The following ZBTB2 variants were observed in gnomAD, a reference collection of about 807,000 sequenced individuals.
ZBTB2 encodes zinc finger and BTB domain containing 2, also known as zinc finger and BTB domain-containing protein 2.
In ZBTB2, 2 loss-of-function variants were observed where a neutral mutation model predicts 39.5. The observed-to-expected ratio is 0.05, with a 90% CI of 0.02 to 0.16. The LOEUF (loss-of-function observed/expected upper bound fraction) is 0.16. Among genes scored for constraint, ZBTB2 ranks in the 10% least tolerant of loss-of-function variants. The pLI is 1.00. For synonymous variants in ZBTB2, 251 were observed against 256.6 expected, an observed-to-expected ratio of 0.98 and a Z score of 0.21; for missense variants, 391 against 653.0, an observed-to-expected ratio of 0.60 and a Z score of 4.37.
chr6:151,382,218 CTTA>C (rs1779048681), intron 1 of ZBTB2, among the ~76,000 whole-genome samples: 1 of 152,168 alleles, frequency 6.6e-6, no homozygotes, highest in African/African-American at 2.4e-5. Flanking sequence ...TCACTGAAAT[CTTA>C]TTATGGGTAC....
chr6:151,384,780 A>C (rs1352250002), intron 1 of ZBTB2, among the ~76,000 whole-genome samples: 3 of 152,290 alleles, frequency 2.0e-5, no homozygotes, highest in South Asian at 2.1e-4. Context: ...CCTGACTGTG[A>C]ATTGTCTGCG....
intron 1 of ZBTB2, among the ~76,000 whole-genome samples, chr6:151,390,409 G>T (rs1264726428): frequency 6.7e-6 from 1 of 150,050 alleles, no homozygotes; most frequent in Non-Finnish European, 1.5e-5. Flanking sequence ...CTCCGGCCGC[G>T]TTGCACGCTC....
At chr6:151,388,062 T>G (rs1156376453) in intron 1 of ZBTB2, among the ~76,000 whole-genome samples, 1 of 134,034 alleles carries the variant, frequency 7.5e-6, no homozygotes, top group East Asian at 2.7e-4. Context: ...TTAGAATGTT[T>G]ACATTTTTTT....
At chr6:151,374,374 A>T (rs2114863027) in intron 1 of ZBTB2, among the ~76,000 whole-genome samples, 1 of 152,274 alleles carries the variant, frequency 6.6e-6, no homozygotes, top group East Asian at 1.9e-4. Flanking sequence ...AAAAGGTGGG[A>T]GGGTCAAAAT....
At chr6:151,380,111 A>G (rs149188000) in intron 1 of ZBTB2, among the ~76,000 whole-genome samples, 11 of 152,284 alleles carry the variant, frequency 7.2e-5, no homozygotes, top group Non-Finnish European at 1.2e-4. Flanking sequence ...AATACAGAGG[A>G]AAGAATACAT....
At chr6:151,367,804 A>G (rs1262462664) in intron 2 of ZBTB2, among the ~76,000 whole-genome samples, 1 of 152,232 alleles carries the variant, frequency 6.6e-6, no homozygotes, top group East Asian at 1.9e-4. Context: ...GCCGTTGAAG[A>G]TGCTATTAAT....
chr6:151,388,053 T>TA (rs1779199065), intron 1 of ZBTB2, among the ~76,000 whole-genome samples: 1 of 148,330 alleles, frequency 6.7e-6, no homozygotes, highest in Non-Finnish European at 1.5e-5. Flanking sequence ...GTCTAATGCT[T>TA]AGAATGTTTA....
chr6:151,390,323 C>A (rs1276405491), intron 1 of ZBTB2, among the ~76,000 whole-genome samples: 1 of 138,980 alleles, frequency 7.2e-6, no homozygotes, highest in Admixed American at 7.0e-5. Flanking sequence ...GCCCTCTGGC[C>A]CCCTCCGGTC....
Position 151,366,507 on chromosome 6 carries a change from C to T in ZBTB2, c.559G>A (p.Val187Met). Residue 187 changes from valine (V) to methionine (M), a missense_variant, in exon 3 of 3, where the codon GTG (valine) becomes ATG (methionine). Transcript: ENST00000325144. This position sits in a 1 kb window ranked among gnomAD's most constrained non-coding sequence, Gnocchi z 7.1. ...LSQLTSNLAQ[V>M]NRTNMTPSDP... ...GAGGGAGTCATATTTGTCCGATTCACCTGGGCCAGATTTGAAGTCAGCTGG... is the reference window on the plus strand; with the variant it reads ...GAGGGAGTCATATTTGTCCGATTCATCTGGGCCAGATTTGAAGTCAGCTGG... 6.2e-7 allele frequency: 1 copy of T among 1,614,110 alleles called. No homozygotes were observed. The highest frequency in any genetic ancestry group is 1.3e-5 in the African/African-American group (1 of 75,008).
intron 2 of ZBTB2, among the ~76,000 whole-genome samples, chr6:151,371,017 A>G (rs1778777788): frequency 6.6e-6 from 1 of 152,026 alleles, no homozygotes; most frequent in East Asian, 1.9e-4. Flanking sequence ...GTATTTTTGC[A>G]CTCCTCAAGA....
rs573353800 is a variant in ZBTB2 at position 151,377,627 on chromosome 6, G to GC, written c.-12-3979_-12-3978insG. 3.0e-3 allele frequency among the ~76,000 whole-genome samples: 416 copies of GC among 139,358 alleles called. 4 individuals are homozygous for GC. Among genetic ancestry groups the GC allele is most frequent in the African/African-American group, 9.5e-3 (350 of 36,910 alleles). 91.4% of individuals were successfully genotyped at this position (139,358 alleles called of 152,430 possible). On this transcript the variant is annotated intron_variant, in intron 1 of 2. Coordinates refer to ENST00000325144, the MANE Select transcript of ZBTB2 (RefSeq NM_020861.3). ...GTGATCTCGGCACACTGACACCTCC[G>GC]TTGCTGGGTTCAAGCGATTCTCCCG...
intron 1 of ZBTB2, among the ~76,000 whole-genome samples, chr6:151,390,281 C>A (rs1212484155): frequency 6.7e-6 from 1 of 148,658 alleles, no homozygotes; most frequent in Non-Finnish European, 1.5e-5. Context: ...GTCCCACCCG[C>A]CCCGGGGCGG....
chr6:151,365,108 G>C lies in ZBTB2; in HGVS notation c.*413C>G, dbSNP rs758073743. 29 of 184,982 alleles carry C rather than the reference G, an allele frequency of 1.6e-4. 1 individual carries two copies. The highest frequency in any genetic ancestry group is 2.1e-4 in the Admixed American group (4 of 18,778). 11.5% of individuals were successfully genotyped at this position (184,982 alleles called of 1,614,324 possible). A position where few individuals can be genotyped will look rare whatever the true frequency, so the allele number is the denominator to read the frequency against. ...TAGATTTTGCATAGTACAGAGCCCA[G>C]CCGTATTTCTAAGCAGCACGCTGTT... On this transcript the variant is annotated 3_prime_UTR_variant, in exon 3 of 3. Transcript: ENST00000325144. The surrounding 1 kb of genome is among the most constrained non-coding windows in gnomAD (Gnocchi z 5.6).
At chr6:151,391,179 G>A (rs868682150) in intron 1 of ZBTB2, among the ~76,000 whole-genome samples, 15 of 151,612 alleles carry the variant, frequency 9.9e-5, no homozygotes, top group African/African-American at 3.4e-4. Flanking sequence ...AGCCGCCGCC[G>A]CCCCCGCGAG....
chr6:151,377,431 C>CA (rs1221611933), intron 1 of ZBTB2, among the ~76,000 whole-genome samples: 5 of 147,588 alleles, frequency 3.4e-5, no homozygotes, highest in African/African-American at 1.3e-4. Flanking sequence ...TGCAATGGCA[C>CA]CATCTTAACT....
chr6:151,366,781 T>C lies in ZBTB2; in HGVS notation c.285A>G (p.Leu95=). Reference sequence around the variant, plus strand: ...CGTGCAGAAACTTGATGCCCTGTTCTAATCGAACCGGGTCGATGAGCTGAG... The same window carrying C: ...CGTGCAGAAACTTGATGCCCTGTTCCAATCGAACCGGGTCGATGAGCTGAG... ...MAPQLIDPVR[L]EQGIKFLHAY... Residue 95 remains leucine (L), a synonymous_variant, in exon 3 of 3, where the codon TTA becomes TTG. Transcript: ENST00000325144. The surrounding 1 kb of genome is among the most constrained non-coding windows in gnomAD (Gnocchi z 7.1). The C allele has an allele frequency of 6.2e-7, 1 of 1,614,136 alleles. No homozygotes were observed. Among genetic ancestry groups the C allele is most frequent in the South Asian group, 1.1e-5 (1 of 91,076 alleles).
intron 2 of ZBTB2, 36 bp downstream of exon 2, chr6:151,373,429 T>G: frequency 1.9e-6 from 3 of 1,611,964 alleles, no homozygotes; most frequent in Non-Finnish European, 2.5e-6. Context: ...TTAAGAAGTC[T>G]ACAGTCATTA....
chr6:151,379,258 T>C (rs1486081043), intron 1 of ZBTB2, among the ~76,000 whole-genome samples: 9 of 152,198 alleles, frequency 5.9e-5, no homozygotes, highest in African/African-American at 2.2e-4. Flanking sequence ...TAAAGCTTAT[T>C]TTTACATTTA....
intron 1 of ZBTB2, among the ~76,000 whole-genome samples, chr6:151,379,877 A>G (rs1478748933): frequency 1.3e-5 from 2 of 152,150 alleles, no homozygotes; most frequent in Non-Finnish European, 2.9e-5. Context: ...CCTTCAATAT[A>G]GCAAACTATA....
Sources: gnomAD v4.1 joint callset for allele counts (sites outside exome capture counted in the v4.1 genomes callset) on GRCh38, gnomAD v4.1.1 for gene constraint, Gnocchi (gnomAD v3.1) non-coding constraint, MANE v1.5 for transcripts, NCBI Gene and HGNC (gene_info 2026-07-23, HGNC 2026-07-21) for gene names.